Variants in HDAC9 observed in about 807,000 individuals in gnomAD.
HDAC9 encodes the protein MEF-2 interacting transcription repressor (MITR) protein.
Under a neutral mutation model 139.4 loss-of-function variants are expected in HDAC9, and 41 were observed. The ratio of observed to expected loss-of-function variants is 0.29; its 90% confidence interval spans 0.23 to 0.38. The LOEUF is 0.38. Ranked by LOEUF, HDAC9 falls within the 10% of genes least tolerant of loss-of-function variation. The pLI, the probability that HDAC9 is intolerant of heterozygous loss-of-function variation, is 1.00. For synonymous variants in HDAC9, 517 were observed against 476.2 expected (o/e 1.09, Z -1.12); for missense variants, 1,147 against 1,297.0 (o/e 0.88, Z 1.78).
rs146853081 is a variant in HDAC9, at chr7:18,182,653, C to T, written c.25+20304C>T. Among the ~76,000 whole-genome samples the T allele has an allele frequency of 2.1e-3, 323 of 152,210 alleles. 3 individuals are homozygous for T. The highest frequency in any genetic ancestry group is 0.016 in the Admixed American group (239 of 15,300). Reference sequence around the variant, plus strand: ...TACTATTCTTATCCCATTTTACAGACGGGAAATTGAGACTTTGAGGGGTTA... The same window carrying T: ...TACTATTCTTATCCCATTTTACAGATGGGAAATTGAGACTTTGAGGGGTTA... On this transcript the variant is annotated intron_variant, in intron 2 of 12. Transcript: ENST00000417496.
At chr7:18,888,412 G>A (rs1007500145) in intron 22 of HDAC9, among the ~76,000 whole-genome samples, 4 of 152,186 alleles carry the variant, frequency 2.6e-5, no homozygotes, top group African/African-American at 9.7e-5. Context: ...GCGACAGAGC[G>A]AGACTCCGTC....
intron 13 of HDAC9, among the ~76,000 whole-genome samples, chr7:18,732,837 G>A (rs1385149421): frequency 2.1e-5 from 2 of 94,602 alleles, no homozygotes; most frequent in Admixed American, 9.4e-5. Context: ...GTGCGTATGT[G>A]TACACACACG....
chr7:18,711,851 G>C (rs1784367424), intron 12 of HDAC9, among the ~76,000 whole-genome samples: 1 of 152,054 alleles, frequency 6.6e-6, no homozygotes, highest in Non-Finnish European at 1.5e-5. Flanking sequence ...CCATTCACCA[G>C]GCTCAACAGA....
intron 2 of HDAC9, among the ~76,000 whole-genome samples, chr7:18,261,413 C>G (rs540042376): frequency 6.6e-6 from 1 of 152,200 alleles, no homozygotes; most frequent in South Asian, 2.1e-4. Context: ...CAACTCTCTC[C>G]CACTCATTTA....
chr7:18,745,165 A>C (rs887169720), intron 13 of HDAC9, among the ~76,000 whole-genome samples: 1 of 152,140 alleles, frequency 6.6e-6, no homozygotes, highest in African/African-American at 2.4e-5. Context: ...AAGAGAGAGA[A>C]TGAAAGAGAG....
chr7:18,098,829 A>G (rs1316767243), intron 1 of HDAC9, among the ~76,000 whole-genome samples: 1 of 152,208 alleles, frequency 6.6e-6, no homozygotes, highest in African/African-American at 2.4e-5. Context: ...GTAGCAATAT[A>G]TAGAATTTTG....
At chr7:18,167,050 T>C (rs1287160593) in intron 2 of HDAC9, among the ~76,000 whole-genome samples, 3 of 152,238 alleles carry the variant, frequency 2.0e-5, no homozygotes, top group African/African-American at 7.2e-5. Flanking sequence ...TGGCCAATTA[T>C]CTATTTCAAG....
chr7:18,364,551 A>T (rs142934020), intron 1 of HDAC9, among the ~76,000 whole-genome samples: 4 of 152,024 alleles, frequency 2.6e-5, no homozygotes, highest in Non-Finnish European at 1.5e-5. Flanking sequence ...TACCTTTGCT[A>T]CTCAGAATGG....
At chr7:18,336,518 A>T (rs1394763170) in intron 1 of HDAC9, among the ~76,000 whole-genome samples, 1 of 151,696 alleles carries the variant, frequency 6.6e-6, no homozygotes, top group African/African-American at 2.4e-5. Context: ...CTATGAATAT[A>T]TGTAAAATTG....
chr7:18,105,674 A>G lies in HDAC9; in HGVS notation c.-97+18461A>G, dbSNP rs1783146962. 2.0e-5 allele frequency among the ~76,000 whole-genome samples: 3 copies of G among 151,740 alleles called. No homozygotes were observed. In the South Asian group the frequency reaches 6.3e-4, roughly 32 times the overall value. On this transcript the variant is annotated intron_variant, in intron 1 of 12. Transcript: ENST00000417496. ...GCAAAATGGGCACAGCCACTTCAGA[A>G]AACAATTTTGGTAGTTCCTCAAAAA...
Position 18,206,658 on chromosome 7 carries a change from C to T in HDAC9, c.25+44309C>T, listed in dbSNP as rs1430501365. ...AAATTAAAGAATAATAAGTTTGTTT[C>T]CTATGTGAATCATAAAAAAATAATA... On this transcript the variant is annotated intron_variant, in intron 2 of 12. Transcript: ENST00000417496. Among the ~76,000 whole-genome samples the T allele has an allele frequency of 3.3e-5, 5 of 151,982 alleles. No homozygotes were observed. The East Asian group carries it at 7.7e-4, about 23-fold the overall frequency.
chr7:18,627,351 T>C (rs558298086), intron 6 of HDAC9, among the ~76,000 whole-genome samples: 22 of 152,320 alleles, frequency 1.4e-4, no homozygotes, highest in African/African-American at 5.3e-4. Flanking sequence ...ATCTATGATT[T>C]CCTATGGTTA....
intron 21 of HDAC9, among the ~76,000 whole-genome samples, chr7:18,874,234 G>GTTTT (rs35536284): frequency 7.0e-6 from 1 of 143,548 alleles, no homozygotes. Flanking sequence ...CTGCAAAGCA[G>GTTTT]TTTTTTTTTT....
intron 1 of HDAC9, among the ~76,000 whole-genome samples, chr7:18,102,332 G>A (rs1415366742): frequency 1.3e-5 from 2 of 152,154 alleles, no homozygotes; most frequent in African/African-American, 4.8e-5. Context: ...TCTTTTGAAA[G>A]CTAGTTGTTA....
rs114031928 is a variant in HDAC9, at chr7:18,826,572, G to C, written c.2323-2589G>C. ...GCAGAATGATGGAGGTTCCCACAAAGGATTATGAAGTGAAAAGCAGATACT... is the reference window on the plus strand; with the variant it reads ...GCAGAATGATGGAGGTTCCCACAAACGATTATGAAGTGAAAAGCAGATACT... On this transcript the variant is annotated intron_variant, in intron 17 of 25. Transcript: ENST00000686413. Among the ~76,000 whole-genome samples, 1,044 of 151,762 alleles carry C rather than the reference G, an allele frequency of 6.9e-3. 13 individuals are homozygous for C. Among genetic ancestry groups the C allele is most frequent in the African/African-American group, 0.024 (983 of 41,356 alleles).
intron 23 of HDAC9, among the ~76,000 whole-genome samples, chr7:18,938,424 T>C (rs1781802228): frequency 6.6e-6 from 1 of 151,860 alleles, no homozygotes; most frequent in Non-Finnish European, 1.5e-5. Context: ...TGAAACCCTG[T>C]CTCTACTAAA....
intron 1 of HDAC9, among the ~76,000 whole-genome samples, chr7:18,389,543 T>C (rs1221934741): frequency 6.6e-6 from 1 of 152,190 alleles, no homozygotes; most frequent in Admixed American, 6.5e-5. Context: ...TTACTTCTAC[T>C]CACATTCTGT....
intron 2 of HDAC9, among the ~76,000 whole-genome samples, chr7:18,511,680 T>C (rs1042137762): frequency 6.6e-6 from 1 of 152,178 alleles, no homozygotes; most frequent in African/African-American, 2.4e-5. Context: ...TATTTGATTA[T>C]CTACTGCCCA....
At chr7:18,275,848 A>G (rs1347989435) in intron 2 of HDAC9, among the ~76,000 whole-genome samples, 1 of 152,106 alleles carries the variant, frequency 6.6e-6, no homozygotes, top group African/African-American at 2.4e-5. Flanking sequence ...CCTATTTTCT[A>G]ACATACCTGT....
Sources: allele counts gnomAD v4.1 joint callset (sites outside exome capture counted in the v4.1 genomes callset), GRCh38; gene constraint gnomAD v4.1.1; transcripts MANE v1.5; gene names NCBI Gene and HGNC (gene_info 2026-07-23, HGNC 2026-07-21).